The following MYOF variants were observed in gnomAD, a reference collection of about 807,000 sequenced individuals.
MYOF encodes the protein myoferlin.
A neutral mutation model predicts 284.2 loss-of-function variants in MYOF; 244 were observed. The observed-to-expected ratio is 0.86, with a 90% CI of 0.77 to 0.95. The LOEUF (loss-of-function observed/expected upper bound fraction) is 0.95. Among genes scored for constraint, MYOF ranks in the 40% least tolerant of loss-of-function variants. The pLI is 0.00. For missense variants in MYOF, 2,496 were observed against 2,560.6 expected, an observed-to-expected ratio of 0.97 and a Z score of 0.54; for synonymous variants, 904 against 919.7, an observed-to-expected ratio of 0.98 and a Z score of 0.31.
chr10:93,323,482 C>T, intron 46 of MYOF, 124 bp from the exon 47 acceptor site: 1 of 869,768 alleles, frequency 1.1e-6, no homozygotes, highest in Non-Finnish European at 1.7e-6. Context: ...TATTAGTCCA[C>T]ATGGAAGGCA....
chr10:93,470,299 AAG>A (rs2057114150), intron 1 of MYOF, among the ~76,000 whole-genome samples: 1 of 152,210 alleles, frequency 6.6e-6, no homozygotes, highest in South Asian at 2.1e-4. Flanking sequence ...TTAAATAACT[AAG>A]TACATGTGAA....
chr10:93,396,473 A>T (rs940108472), intron 15 of MYOF, among the ~76,000 whole-genome samples: 1 of 152,208 alleles, frequency 6.6e-6, no homozygotes, highest in African/African-American at 2.4e-5. Context: ...ATTTGCATTT[A>T]TAAGTGTATC....
At chr10:93,423,532 A>T (rs1186174812) in intron 5 of MYOF, among the ~76,000 whole-genome samples, 4 of 145,078 alleles carry the variant, frequency 2.8e-5, no homozygotes, top group Non-Finnish European at 6.0e-5. Flanking sequence ...TCTGAAAAAA[A>T]AAAAAAAAAA....
chr10:93,380,199 C>A (rs1846049035), intron 20 of MYOF, among the ~76,000 whole-genome samples: 1 of 152,158 alleles, frequency 6.6e-6, no homozygotes, highest in Non-Finnish European at 1.5e-5. Context: ...CTGAGACACC[C>A]TAGTAAACTG....
intron 5 of MYOF, 23 bp from the exon 6 acceptor site, chr10:93,409,762 A>G (rs1300828006): frequency 1.2e-6 from 2 of 1,613,618 alleles, no homozygotes; most frequent in African/African-American, 2.7e-5. Context: ...AAAGAAACCC[A>G]GTGAGGGATA....
chr10:93,396,883 A>G (rs1000399516), intron 15 of MYOF, among the ~76,000 whole-genome samples: 6 of 152,168 alleles, frequency 3.9e-5, no homozygotes, highest in African/African-American at 1.4e-4. Context: ...TTTTCTTTTT[A>G]AACAATAACA....
chr10:93,313,136 G>A lies in MYOF; in HGVS notation c.5773C>T (p.Pro1925Ser), dbSNP rs781234710. ...SPEKCRLDMI[P>S]DLKAMNPLKA... ...AGGGGGTTCATGGCTTTGAGGTCCG[G>A]AATCATGTCCAATCTGCATTTCTCT... The change falls in exon 51 of 54, where the codon CCG becomes TCG. Residue 1925 changes from proline to serine, a missense_variant. Around this residue, in one of 3 missense-constraint regions of MYOF, gnomAD observed 2,436 missense variants for 2,480.7 expected, o/e 0.98. Coordinates refer to ENST00000359263, the MANE Select transcript of MYOF (RefSeq NM_013451.4). The A allele has an allele frequency of 2.9e-5, 47 of 1,614,104 alleles. No homozygotes were observed. The highest frequency in any genetic ancestry group is 3.9e-5 in the Non-Finnish European group (46 of 1,179,984).
intron 19 of MYOF, among the ~76,000 whole-genome samples, chr10:93,386,741 T>C (rs1035346381): frequency 3.3e-5 from 5 of 152,146 alleles, no homozygotes; most frequent in Admixed American, 2.0e-4. Flanking sequence ...CAAGGCCACA[T>C]TGCTCTGGGG....
At chr10:93,342,350 CT>C (rs3216048) in intron 38 of MYOF, among the ~76,000 whole-genome samples, 36,202 of 152,078 alleles carry the variant, frequency 0.24, 6,094 homozygotes, top group East Asian at 0.88. Flanking sequence ...GTTCATTTGA[CT>C]TTGTACAGAT....
chr10:93,339,975 A>T (rs1377364131), intron 39 of MYOF, among the ~76,000 whole-genome samples, 178 bp downstream of exon 39: 1 of 152,118 alleles, frequency 6.6e-6, no homozygotes, highest in Non-Finnish European at 1.5e-5. Flanking sequence ...GCTACGCGGG[A>T]GGCTGAGGCA....
intron 35 of MYOF, among the ~76,000 whole-genome samples, chr10:93,350,369 G>T (rs1844448609): frequency 6.6e-6 from 1 of 151,916 alleles, no homozygotes; most frequent in Non-Finnish European, 1.5e-5. Flanking sequence ...CTGGGGTACA[G>T]TGGCACGAAC....
rs1210300522 is a variant in MYOF at position 93,333,764 on chromosome 10, A to G, written c.4713T>C (p.Asn1571=). 1.2e-6 allele frequency: 2 copies of G among 1,614,124 alleles called. No individual in the cohort carries two copies. The highest frequency in any genetic ancestry group is 1.7e-6 in the Non-Finnish European group (2 of 1,179,990). ...RGLELQPQDN[N]GLCDPYIKIT... is the part of the protein sequence containing the mutation. ...CCCACACCCAAACTCTTACCAGGCC[A>G]TTGTTGTCCTGGGGCTGGAGCTCTA... is the stretch of plus-strand genomic sequence containing the variant. The change falls in exon 42 of 54, where the codon AAT becomes AAC. Residue 1571 remains asparagine (N), a synonymous_variant. Transcript: ENST00000359263.
At chr10:93,456,639 A>C (rs1295068116) in intron 2 of MYOF, among the ~76,000 whole-genome samples, 1 of 152,080 alleles carries the variant, frequency 6.6e-6, no homozygotes, top group Non-Finnish European at 1.5e-5. Context: ...CCTGGTAAGA[A>C]CTCAACTCTC....
chr10:93,460,624 G>A (rs901929555), intron 1 of MYOF, among the ~76,000 whole-genome samples: 22 of 151,824 alleles, frequency 1.4e-4, no homozygotes, highest in East Asian at 5.8e-4. Context: ...AATATTAGCC[G>A]GGCATGGTGG....
chr10:93,394,245 A>C (rs983958002), intron 16 of MYOF, among the ~76,000 whole-genome samples: 5 of 150,054 alleles, frequency 3.3e-5, no homozygotes, highest in Non-Finnish European at 7.4e-5. Flanking sequence ...GGGATTACAG[A>C]CACCTGCCAC....
intron 3 of MYOF, among the ~76,000 whole-genome samples, chr10:93,436,475 T>G (rs538698687): frequency 9.5e-5 from 11 of 116,000 alleles, no homozygotes; most frequent in Admixed American, 2.0e-4. Context: ...AAACTGGATT[T>G]ATTTATTTAT....
intron 17 of MYOF, among the ~76,000 whole-genome samples, chr10:93,391,663 C>T (rs1406236481): frequency 6.6e-6 from 1 of 152,084 alleles, no homozygotes; most frequent in Non-Finnish European, 1.5e-5. Flanking sequence ...CTTCCTGCCT[C>T]CAAAGTTTCC....
chr10:93,347,881 C>T (rs1844306795), intron 36 of MYOF, 99 bp from the exon 37 acceptor site: 2 of 1,242,242 alleles, frequency 1.6e-6, no homozygotes, highest in Non-Finnish European at 2.3e-6. Context: ...CTCTGCCACA[C>T]AGCCCAGAGG....
At chr10:93,362,025 T>C (rs145727343) in intron 27 of MYOF, among the ~76,000 whole-genome samples, 58 of 152,106 alleles carry the variant, frequency 3.8e-4, no homozygotes, top group African/African-American at 1.4e-3. Context: ...CTCGGCTCAC[T>C]GCAACCTCTG....
Sources: gnomAD v4.1 joint callset for allele counts (sites outside exome capture counted in the v4.1 genomes callset) on GRCh38, gnomAD v4.1.1 for gene constraint, gnomAD v4.1.1 regional missense constraint, MANE v1.5 for transcripts, NCBI Gene and HGNC (gene_info 2026-07-23, HGNC 2026-07-21) for gene names.